ARHGEF2: variants seen among roughly 807,000 people sequenced by gnomAD.
The protein encoded by ARHGEF2 is Rho/Rac guanine nucleotide exchange factor 2.
In ARHGEF2, 22 loss-of-function variants were observed where a neutral mutation model predicts 121.0. That is an observed-to-expected ratio of 0.18 (90% confidence interval 0.13 to 0.26). The LOEUF (loss-of-function observed/expected upper bound fraction) is 0.26. ARHGEF2 is among the 10% of genes least tolerant of loss of function. The pLI is 1.00. For synonymous variants in ARHGEF2, 487 were observed against 530.0 expected, an observed-to-expected ratio of 0.92 and a Z score of 1.11; for missense variants, 907 against 1,336.0, an observed-to-expected ratio of 0.68 and a Z score of 5.01.
chr1:155,955,043 T>G (rs1676382569), intron 13 of ARHGEF2, 74 bp from the exon 14 acceptor site: 2 of 1,254,344 alleles, frequency 1.6e-6, no homozygotes, highest in Admixed American at 3.8e-5. Flanking sequence ...CTTCCCTCCT[T>G]CCCAAACATG....
Position 155,971,976 on chromosome 1 carries a change from C to A in ARHGEF2, c.64-2676G>T, listed in dbSNP as rs778530302. 6.8e-4 allele frequency among the ~76,000 whole-genome samples: 104 copies of A among 152,060 alleles called. 1 individual carries two copies. Among genetic ancestry groups the A allele is most frequent in the Non-Finnish European group, 9.4e-4 (64 of 67,990 alleles). On this transcript the variant is annotated intron_variant, in intron 1 of 21. Transcript: ENST00000361247. ...ATTAAAAAAAACAACATGGCTGGAC[C>A]AGGGTCACTCCAGAATGGGCAGTGC... is the stretch of plus-strand genomic sequence containing the variant.
chr1:155,969,422 C>T, intron 1 of ARHGEF2, 122 bp from the exon 2 acceptor site: 2 of 1,517,978 alleles, frequency 1.3e-6, no homozygotes, highest in East Asian at 2.3e-5. Context: ...GCTGGAAAGA[C>T]ACCAGTTCCT....
At chr1:155,958,446 A>T in intron 11 of ARHGEF2, 50 bp from the exon 12 acceptor site, 1 of 1,464,162 alleles carries the variant, frequency 6.8e-7, no homozygotes, top group Non-Finnish European at 9.5e-7. Flanking sequence ...CGGTCTGAGC[A>T]GCTGCTTCCC....
rs142390843 is a variant in ARHGEF2, at chr1:155,960,987, C to T, written c.1468+674G>A. 1.1e-4 allele frequency among the ~76,000 whole-genome samples: 17 copies of T among 152,318 alleles called. No individual in the cohort carries two copies. In the Middle Eastern group the frequency reaches 0.01, roughly 91 times the overall value. On this transcript the variant is annotated intron_variant, in intron 11 of 21. Transcript: ENST00000361247. ...GTCCCCTCCTCTGGGCCTCCTCTGG[C>T]TGCGCTCCCCAAAGCTCTTGCTTAC...
At position 155,958,662 on chromosome 1, in the gene ARHGEF2, G is replaced by A. The variant is rs145968173; in HGVS notation, c.1469-266C>T. 6.3e-3 allele frequency among the ~76,000 whole-genome samples: 924 copies of A among 147,800 alleles called. 12 individuals carry two copies. Among genetic ancestry groups the A allele is most frequent in the African/African-American group, 0.021 (855 of 40,156 alleles). ...GCAATCTTGGCTCACTGCAACCTCCGCCTCCCGGGTTCAAGCGATTCTCCT... is the reference window on the plus strand; with the variant it reads ...GCAATCTTGGCTCACTGCAACCTCCACCTCCCGGGTTCAAGCGATTCTCCT... On this transcript the variant is annotated intron_variant, in intron 11 of 21. Coordinates refer to ENST00000361247, the MANE Select transcript of ARHGEF2 (RefSeq NM_001162383.2).
chr1:155,956,786 T>C (rs1380950060), intron 13 of ARHGEF2, among the ~76,000 whole-genome samples: 2 of 147,316 alleles, frequency 1.4e-5, no homozygotes, highest in African/African-American at 5.1e-5. Flanking sequence ...TAAAACCCCG[T>C]CTCTACTAAA....
chr1:155,978,368 G>T lies in ARHGEF2; in HGVS notation c.60C>A (p.Ser20Arg). 1 of 1,513,220 alleles carries T rather than the reference G, an allele frequency of 6.6e-7. No individual in the cohort carries two copies. The highest frequency in any genetic ancestry group is 8.9e-7 in the Non-Finnish European group (1 of 1,120,514). 93.7% of individuals were successfully genotyped at this position (1,513,220 alleles called of 1,614,324 possible). ...ARIDRSRELA[S>R]KTREKEKMKE... is the part of the protein sequence containing the mutation. ...GGAGAGGGGTTTCCGAGCCCACCTT[G>T]CTCGCCAGCTCTCTGCTCCGGTCGA... The change falls in exon 1 of 22, where the codon AGC (serine) becomes AGA (arginine). Residue 20 changes from serine (S) to arginine (R), a missense_variant. Coordinates refer to ENST00000361247, the MANE Select transcript of ARHGEF2 (RefSeq NM_001162383.2). The surrounding 1 kb of genome is among the most constrained non-coding windows in gnomAD (Gnocchi z 4.1).
intron 1 of ARHGEF2, 30 bp from the exon 2 acceptor site, chr1:155,969,330 G>A (rs1680034631): frequency 1.9e-6 from 3 of 1,612,146 alleles, no homozygotes; most frequent in Non-Finnish European, 1.7e-6. Flanking sequence ...GAGAGGAAGT[G>A]AGGCTGGAAA....
intron 1 of ARHGEF2, 183 bp from the exon 2 acceptor site, chr1:155,969,483 G>A: frequency 7.0e-7 from 1 of 1,427,162 alleles, no homozygotes; most frequent in South Asian, 1.5e-5. Flanking sequence ...GGAGTGACCA[G>A]GCCAGGCTCT....
chr1:155,970,063 C>T (rs796467130), intron 1 of ARHGEF2: 57 of 985,410 alleles, frequency 5.8e-5, no homozygotes, highest in African/African-American at 5.1e-4. Flanking sequence ...TTGCTTCCAG[C>T]GGAAAATCTC....
At position 155,978,494 on chromosome 1, in the gene ARHGEF2, G is replaced by T; in HGVS notation, c.-67C>A. The T allele has an allele frequency of 2.2e-6, 3 of 1,353,946 alleles. No homozygotes were observed. Among genetic ancestry groups the T allele is most frequent in the Non-Finnish European group, 1.9e-6 (2 of 1,036,670 alleles). The allele number at this position is 1,353,946 out of a possible 1,614,324, so 83.9% of individuals were successfully genotyped here. On this transcript the variant is annotated 5_prime_UTR_variant, in exon 1 of 22. Transcript: ENST00000361247. This position sits in a 1 kb window ranked among gnomAD's most constrained non-coding sequence, Gnocchi z 4.1. ...GCGTCCTGTATTGTTGGGGGAAGGC[G>T]GGGGGAGGGGTTCGGCCCGCACGCG...
rs779370449 is a variant in ARHGEF2 at position 155,961,890 on chromosome 1, C to T, written c.1239G>A (p.Gln413=). Reference sequence around the variant, plus strand: ...CTAGCCCCAGTGCTGTGGTCAGGTCCTGGCGCTCCTCCTCGATCCCTGGCA... The same window carrying T: ...CTAGCCCCAGTGCTGTGGTCAGGTCTTGGCGCTCCTCCTCGATCCCTGGCA... ...QHSHGIEEER[Q]DLTTALGLVK... Residue 413 remains glutamine (Q), a synonymous_variant, in exon 11 of 22, where the codon CAG becomes CAA. Coordinates refer to ENST00000361247, the MANE Select transcript of ARHGEF2 (RefSeq NM_001162383.2). The surrounding 1 kb of genome is among the most constrained non-coding windows in gnomAD (Gnocchi z 4.7). The T allele has an allele frequency of 1.9e-6, 3 of 1,614,138 alleles. No individual in the cohort carries two copies. Among genetic ancestry groups the T allele is most frequent in the Non-Finnish European group, 2.5e-6 (3 of 1,180,000 alleles).
chr1:155,953,306 G>A (rs1261429840), intron 14 of ARHGEF2, among the ~76,000 whole-genome samples: 1 of 150,298 alleles, frequency 6.7e-6, no homozygotes, highest in Non-Finnish European at 1.5e-5. Flanking sequence ...GTTGCAGGTT[G>A]TCCAACAGTG....
chr1:155,960,486 G>C (rs1162119461), intron 11 of ARHGEF2, among the ~76,000 whole-genome samples: 1 of 150,818 alleles, frequency 6.6e-6, no homozygotes, highest in Non-Finnish European at 1.5e-5. Flanking sequence ...AAAAAAAAGA[G>C]AGAGAAAACA....
upstream of ARHGEF2, chr1:155,979,295 G>C (rs796685343): frequency 4.5e-5 from 44 of 985,408 alleles, no homozygotes; most frequent in African/African-American, 6.1e-4. Context: ...GTGTCTAACT[G>C]CAGTTCTCTC....
At chr1:155,963,943 G>A (rs1678514945) in intron 7 of ARHGEF2, among the ~76,000 whole-genome samples, 1 of 150,480 alleles carries the variant, frequency 6.6e-6, no homozygotes, top group Non-Finnish European at 1.5e-5. Context: ...TCAGGTGTTC[G>A]AGACCAGCTT....
At chr1:155,967,385 T>C (rs1241530131) in intron 2 of ARHGEF2, among the ~76,000 whole-genome samples, 1 of 152,166 alleles carries the variant, frequency 6.6e-6, no homozygotes, top group Non-Finnish European at 1.5e-5. Flanking sequence ...GGAGGTTCAG[T>C]TATCCTCATT....
Position 155,969,216 on chromosome 1 carries a change from T to C in ARHGEF2, c.148A>G (p.Met50Val). ...TTGTTACAGGCATAGCACATGGTCA[T>C]GCCTGAAACTGAAATGGTGGTGAAG... ...HLFTTISVSG[M>V]TMCYACNKSI... Residue 50 changes from methionine (M) to valine (V), a missense_variant, in exon 2 of 22, where the codon ATG (methionine) becomes GTG (valine). Around this residue, in one of 2 missense-constraint regions of ARHGEF2, gnomAD observed 475 missense variants for 776.5 expected, o/e 0.61. Coordinates refer to ENST00000361247, the MANE Select transcript of ARHGEF2 (RefSeq NM_001162383.2). 1 of 1,614,226 alleles carries C rather than the reference T, an allele frequency of 6.2e-7. No homozygotes were observed. The highest frequency in any genetic ancestry group is 8.5e-7 in the Non-Finnish European group (1 of 1,180,034).
intron 7 of ARHGEF2, among the ~76,000 whole-genome samples, chr1:155,964,158 A>G (rs1678626678): frequency 1.1e-5 from 1 of 93,480 alleles, no homozygotes; most frequent in East Asian, 3.1e-4. Flanking sequence ...AAAAAAAAAA[A>G]AAAAAAAAAA....
Sources: allele counts gnomAD v4.1 joint callset (sites outside exome capture counted in the v4.1 genomes callset), GRCh38; gene constraint gnomAD v4.1.1; regional missense constraint gnomAD v4.1.1; non-coding constraint Gnocchi (gnomAD v3.1); transcripts MANE v1.5; gene names NCBI Gene and HGNC (gene_info 2026-07-23, HGNC 2026-07-21).